Variants in LRP1B observed in about 807,000 individuals in gnomAD.
LRP1B encodes the protein low-density lipoprotein receptor-related protein 1B.
LRP1B carries 217 observed loss-of-function variants against 556.6 expected under a neutral mutation model. That is an observed-to-expected ratio of 0.39 (90% CI 0.35 to 0.44). The LOEUF is 0.44. Ranked by LOEUF, LRP1B falls within the 20% of genes least tolerant of loss-of-function variation. The pLI is 1.00. For synonymous variants in LRP1B, 2,047 were observed against 1,865.8 expected, an observed-to-expected ratio of 1.10 and a Z score of -2.50; for missense variants, 5,053 against 5,620.8, an observed-to-expected ratio of 0.90 and a Z score of 3.23.
chr2:141,825,176 G>C (rs1323636429), intron 1 of LRP1B, among the ~76,000 whole-genome samples: 1 of 152,098 alleles, frequency 6.6e-6, no homozygotes, highest in Non-Finnish European at 1.5e-5. Flanking sequence ...AGTACAAAAG[G>C]TAACAACTAG....
chr2:140,520,585 C>T (rs747592390), intron 49 of LRP1B, among the ~76,000 whole-genome samples: 10 of 151,642 alleles, frequency 6.6e-5, no homozygotes, highest in East Asian at 2.0e-4. Flanking sequence ...GCACATGTAC[C>T]CTAGAACTTA....
At chr2:141,880,175 TC>T in intron 1 of LRP1B, among the ~76,000 whole-genome samples, 1 of 152,116 alleles carries the variant, frequency 6.6e-6, no homozygotes, top group East Asian at 1.9e-4. Flanking sequence ...AAGGGCCAAG[TC>T]TTCTTTTGAG....
chr2:141,929,510 C>T (rs1023543501), intron 1 of LRP1B, among the ~76,000 whole-genome samples: 5 of 151,852 alleles, frequency 3.3e-5, no homozygotes, highest in Admixed American at 6.6e-5. Context: ...ACCACAACAT[C>T]GTAGGTATGC....
intron 3 of LRP1B, among the ~76,000 whole-genome samples, chr2:141,286,575 A>C (rs542900088): frequency 6.6e-6 from 1 of 152,312 alleles, no homozygotes; most frequent in Admixed American, 6.5e-5. Flanking sequence ...TTAGCCAATT[A>C]AGTCATTTTG....
At position 140,529,730 on chromosome 2, in the gene LRP1B, T is replaced by C. The variant is rs754031847; in HGVS notation, c.7763-3380A>G. The stretch of plus-strand genomic sequence containing the variant: ...AAGTACTTCCATAGCCCAAAGAATT[T>C]CATGTACTTCCCAAAGGGAGCAGTC... On this transcript the variant is annotated intron_variant, in intron 47 of 90. Transcript: ENST00000389484. Among the ~76,000 whole-genome samples the C allele has an allele frequency of 6.1e-4, 93 of 152,134 alleles. 1 individual carries two copies. The Middle Eastern group carries it at 0.017, about 28-fold the overall frequency.
chr2:140,250,551 C>T (rs564881591), intron 86 of LRP1B, among the ~76,000 whole-genome samples: 22 of 150,978 alleles, frequency 1.5e-4, no homozygotes, highest in Non-Finnish European at 2.8e-4. Context: ...TTATTTAATG[C>T]TAAATTGTTT....
At position 141,061,592 on chromosome 2, in the gene LRP1B, A is replaced by G. The variant is rs942527280; in HGVS notation, c.1236+459T>C. ...GAAGTACTTGAATACATCAGAAGTC[A>G]AAATTTAATCGAACTTGTTATAATA... On this transcript the variant is annotated intron_variant, in intron 8 of 90. Coordinates refer to ENST00000389484, the MANE Select transcript of LRP1B (RefSeq NM_018557.3). 9.9e-5 allele frequency among the ~76,000 whole-genome samples: 15 copies of G among 151,950 alleles called. No individual in the cohort carries two copies. In the Middle Eastern group the frequency reaches 0.01, roughly 103 times the overall value.
At chr2:140,978,735 A>G (rs1181416420) in intron 18 of LRP1B, among the ~76,000 whole-genome samples, 2 of 152,142 alleles carry the variant, frequency 1.3e-5, no homozygotes, top group Admixed American at 1.3e-4. Flanking sequence ...GTAAATTTTG[A>G]TTTTAAATAA....
rs147727497 is a variant in LRP1B at position 141,276,023 on chromosome 2, C to T, written c.344-21382G>A. On this transcript the variant is annotated intron_variant, in intron 3 of 90. Coordinates refer to ENST00000389484, the MANE Select transcript of LRP1B (RefSeq NM_018557.3). ...AGTTTTCACATATAATCAGTGCAAACATGTTTACACTTTTGGGTGCTTTCT... is the reference window on the plus strand; with the variant it reads ...AGTTTTCACATATAATCAGTGCAAATATGTTTACACTTTTGGGTGCTTTCT... Among the ~76,000 whole-genome samples the T allele has an allele frequency of 6.8e-3, 1,037 of 152,234 alleles. 9 individuals are homozygous for T. Among genetic ancestry groups the T allele is most frequent in the African/African-American group, 0.023 (975 of 41,538 alleles).
At chr2:142,076,102 T>C (rs1201619459) in intron 1 of LRP1B, among the ~76,000 whole-genome samples, 1 of 152,114 alleles carries the variant, frequency 6.6e-6, no homozygotes, top group Non-Finnish European at 1.5e-5. Context: ...GTTTTTGCAA[T>C]AAAATGTGAC....
At chr2:140,290,128 T>C (rs1683313588) in intron 84 of LRP1B, among the ~76,000 whole-genome samples, 1 of 152,042 alleles carries the variant, frequency 6.6e-6, no homozygotes, top group Non-Finnish European at 1.5e-5. Flanking sequence ...CTGTTTAATA[T>C]TCTAGTGGGG....
chr2:142,046,310 C>T (rs537808105), intron 1 of LRP1B, among the ~76,000 whole-genome samples: 1 of 151,916 alleles, frequency 6.6e-6, no homozygotes, highest in East Asian at 1.9e-4. Flanking sequence ...TGGATGCTGG[C>T]TCATTCCAGT....
chr2:141,464,723 C>T (rs956027125), intron 3 of LRP1B, among the ~76,000 whole-genome samples: 3 of 150,894 alleles, frequency 2.0e-5, no homozygotes, highest in South Asian at 2.1e-4. Flanking sequence ...CGAGCCCCTG[C>T]GCCCGTCCCT....
At chr2:140,545,357 G>C (rs1358485829) in intron 43 of LRP1B, among the ~76,000 whole-genome samples, 1 of 151,878 alleles carries the variant, frequency 6.6e-6, no homozygotes, top group Non-Finnish European at 1.5e-5. Flanking sequence ...TAAAATCTTT[G>C]CCTGTTCCTA....
chr2:141,915,032 A>T (rs1180323825), intron 1 of LRP1B, among the ~76,000 whole-genome samples: 1 of 152,172 alleles, frequency 6.6e-6, no homozygotes, highest in Non-Finnish European at 1.5e-5. Flanking sequence ...AAAAGAGACC[A>T]AATAGCCAAA....
intron 11 of LRP1B, among the ~76,000 whole-genome samples, chr2:141,035,321 ATTGTG>A (rs1698500816): frequency 1.3e-5 from 2 of 151,646 alleles, no homozygotes; most frequent in Non-Finnish European, 2.9e-5. Flanking sequence ...TAACCTGCAC[ATTGTG>A]CACATGTACC....
intron 68 of LRP1B, among the ~76,000 whole-genome samples, chr2:140,374,266 A>T (rs1319833358): frequency 2.0e-5 from 3 of 152,154 alleles, no homozygotes; most frequent in Non-Finnish European, 4.4e-5. Flanking sequence ...ATTTTTGCCA[A>T]AATGTACTTG....
chr2:140,250,892 GAAT>G (rs1292929565), intron 86 of LRP1B, among the ~76,000 whole-genome samples: 1 of 151,706 alleles, frequency 6.6e-6, no homozygotes, highest in Admixed American at 6.6e-5. Context: ...GTGAGGATGA[GAAT>G]AATAATATAC....
chr2:140,693,364 C>A (rs980770779), intron 41 of LRP1B, among the ~76,000 whole-genome samples: 1 of 152,130 alleles, frequency 6.6e-6, no homozygotes, highest in Non-Finnish European at 1.5e-5. Context: ...GTCACCCAGG[C>A]TAGAGTGCAG....
Sources: gnomAD v4.1 joint callset for allele counts (sites outside exome capture counted in the v4.1 genomes callset) on GRCh38, gnomAD v4.1.1 for gene constraint, MANE v1.5 for transcripts, NCBI Gene and HGNC (gene_info 2026-07-23, HGNC 2026-07-21) for gene names.